The following CHN2 variants were observed in gnomAD, a reference collection of about 807,000 sequenced individuals.
The protein encoded by CHN2 is chimerin 2, also known as beta-chimaerin.
In CHN2, 35 loss-of-function variants were observed where a neutral mutation model predicts 56.3. The observed-to-expected ratio is 0.62, with a 90% confidence interval of 0.47 to 0.82. The LOEUF (loss-of-function observed/expected upper bound fraction) is 0.82. Ranked by LOEUF, CHN2 falls within the 40% of genes least tolerant of loss-of-function variation. The pLI, the probability that CHN2 is intolerant of heterozygous loss-of-function variation, is 0.00. For synonymous variants in CHN2, 210 were observed against 212.8 expected, an observed-to-expected ratio of 0.99 and a Z score of 0.12; for missense variants, 491 against 580.5, an observed-to-expected ratio of 0.85 and a Z score of 1.58.
At chr7:29,277,475 G>A (rs1464010190) in intron 1 of CHN2, among the ~76,000 whole-genome samples, 4 of 152,178 alleles carry the variant, frequency 2.6e-5, no homozygotes, top group Admixed American at 2.0e-4. Flanking sequence ...CCCGGTATGT[G>A]ATCCAAGCAG....
intron 1 of CHN2, among the ~76,000 whole-genome samples, chr7:29,234,709 G>A (rs1787045893): frequency 6.6e-6 from 1 of 152,154 alleles, no homozygotes; most frequent in Non-Finnish European, 1.5e-5. Flanking sequence ...CATCTACTGT[G>A]GCAATGTCAT....
At chr7:29,369,626 C>T (rs1390055966) in intron 3 of CHN2, among the ~76,000 whole-genome samples, 2 of 152,162 alleles carry the variant, frequency 1.3e-5, no homozygotes, top group African/African-American at 2.4e-5. Flanking sequence ...AAAAACCTCT[C>T]GGTTTCTCAA....
At chr7:29,216,468 A>G (rs1378439635) in intron 1 of CHN2, among the ~76,000 whole-genome samples, 1 of 152,226 alleles carries the variant, frequency 6.6e-6, no homozygotes, top group African/African-American at 2.4e-5. Flanking sequence ...CACTTTGTGG[A>G]AATGTTCAAA....
At chr7:29,504,862 A>G (rs1166723184) in intron 10 of CHN2, 41 bp downstream of exon 10, 2 of 1,364,120 alleles carry the variant, frequency 1.5e-6, no homozygotes, top group Non-Finnish European at 2.1e-6. Flanking sequence ...ACATCCTAAC[A>G]CCCTTCTCGA....
intron 1 of CHN2, among the ~76,000 whole-genome samples, chr7:29,216,410 T>C (rs897668482): frequency 6.6e-6 from 1 of 152,228 alleles, no homozygotes; most frequent in Non-Finnish European, 1.5e-5. Flanking sequence ...TGGGCAAGTG[T>C]GCCCATTTTG....
intron 7 of CHN2, among the ~76,000 whole-genome samples, chr7:29,483,185 C>G (rs1300261570): frequency 6.6e-6 from 1 of 152,016 alleles, no homozygotes; most frequent in Non-Finnish European, 1.5e-5. Flanking sequence ...CTCTTCTTAC[C>G]CCATAACAAG....
chr7:29,420,473 C>T (rs1194618787), intron 6 of CHN2, among the ~76,000 whole-genome samples: 1 of 152,192 alleles, frequency 6.6e-6, no homozygotes, highest in Non-Finnish European at 1.5e-5. Flanking sequence ...CTGTCCTGTG[C>T]TGTAACATGG....
At chr7:29,460,055 T>C (rs1014859058) in intron 6 of CHN2, among the ~76,000 whole-genome samples, 2 of 151,254 alleles carry the variant, frequency 1.3e-5, no homozygotes, top group African/African-American at 4.8e-5. Flanking sequence ...AAATTCCCCT[T>C]AGCATATGTA....
chr7:29,403,292 G>A (rs1244259622), intron 6 of CHN2, among the ~76,000 whole-genome samples: 1 of 143,334 alleles, frequency 7.0e-6, no homozygotes, highest in Non-Finnish European at 1.5e-5. Context: ...AAGAGGGACT[G>A]GAAACGTGAA....
chr7:29,357,269 G>C (rs2128025262), intron 2 of CHN2, among the ~76,000 whole-genome samples: 1 of 152,282 alleles, frequency 6.6e-6, no homozygotes, highest in South Asian at 2.1e-4. Flanking sequence ...TAGTCCTCCA[G>C]GCTCTATTTG....
At chr7:29,412,748 C>T (rs1803367288) in intron 6 of CHN2, among the ~76,000 whole-genome samples, 1 of 152,194 alleles carries the variant, frequency 6.6e-6, no homozygotes, top group African/African-American at 2.4e-5. Context: ...GATGTGGCCA[C>T]GAGAGCCCTC....
chr7:29,162,733 A>T (rs77111451), intron 2 of CHN2, among the ~76,000 whole-genome samples: 2,430 of 152,194 alleles, frequency 0.016, 34 homozygotes, highest in Non-Finnish European at 0.024. Context: ...ACATTGTATG[A>T]TCTCATTTAC....
At chr7:29,440,974 TG>T (rs1170678722) in intron 6 of CHN2, among the ~76,000 whole-genome samples, 16 of 152,210 alleles carry the variant, frequency 1.1e-4, no homozygotes, top group South Asian at 4.1e-4. Context: ...AGTGATGTTA[TG>T]TTTTTTTAAT....
At position 29,458,377 on chromosome 7, in the gene CHN2, G is replaced by GCACACATA. The variant is rs1554296992; in HGVS notation, c.577-21896_577-21895insTACACACA. On this transcript the variant is annotated intron_variant, in intron 6 of 12. Transcript: ENST00000222792. ...CTGTTTGTATAAGGAGCATAGCTGTGCACACACACACACACACACACACAC... is the reference window on the plus strand; with the variant it reads ...CTGTTTGTATAAGGAGCATAGCTGTGCACACATACACACACACACACACACACACACAC... 9.8e-3 allele frequency among the ~76,000 whole-genome samples: 1,326 copies of GCACACATA among 135,988 alleles called. 14 individuals are homozygous for GCACACATA. Among genetic ancestry groups the GCACACATA allele is most frequent in the East Asian group, 0.031 (126 of 4,100 alleles). 89.2% of individuals were successfully genotyped at this position (135,988 alleles called of 152,430 possible).
At chr7:29,499,015 C>G (rs1324046182) in intron 8 of CHN2, among the ~76,000 whole-genome samples, 1 of 152,112 alleles carries the variant, frequency 6.6e-6, no homozygotes, top group South Asian at 2.1e-4. Flanking sequence ...CTGCCTCGGC[C>G]TCCCAAAGTG....
intron 1 of CHN2, among the ~76,000 whole-genome samples, chr7:29,274,868 T>C (rs1791055766): frequency 6.6e-6 from 1 of 152,172 alleles, no homozygotes; most frequent in African/African-American, 2.4e-5. Context: ...TGTCTGTAGA[T>C]TCATTTACAA....
At chr7:29,316,066 C>T (rs572117799) in intron 1 of CHN2, among the ~76,000 whole-genome samples, 7 of 152,164 alleles carry the variant, frequency 4.6e-5, no homozygotes, top group Admixed American at 2.0e-4. Context: ...CCATGCTCTC[C>T]CCTGGGCTCA....
chr7:29,402,792 T>C (rs1802321117), intron 6 of CHN2, among the ~76,000 whole-genome samples: 1 of 152,190 alleles, frequency 6.6e-6, no homozygotes, highest in South Asian at 2.1e-4. Flanking sequence ...GGAAGTTTGG[T>C]CAACAGAAAC....
At position 29,197,726 on chromosome 7, in the gene CHN2, A is replaced by T. The variant is rs576044008; in HGVS notation, c.49+2736A>T. On this transcript the variant is annotated intron_variant, in intron 1 of 12. Transcript: ENST00000222792. ...ATAGCCCTGAGTGTTTGGCATGGAA[A>T]GATGAGTCAAGATCCTTTTCCCTTA... Among the ~76,000 whole-genome samples the T allele has an allele frequency of 3.3e-5, 5 of 152,358 alleles. No homozygotes were observed. The East Asian group carries it at 9.6e-4, about 29-fold the overall frequency.
Sources: gnomAD v4.1 joint callset for allele counts (sites outside exome capture counted in the v4.1 genomes callset) on GRCh38, gnomAD v4.1.1 for gene constraint, MANE v1.5 for transcripts, NCBI Gene and HGNC (gene_info 2026-07-23, HGNC 2026-07-21) for gene names.